Variants in TEX9 observed in about 807,000 individuals in gnomAD.
TEX9 encodes testis-expressed protein 9.
Under a neutral mutation model 59.6 loss-of-function variants are expected in TEX9, and 74 were observed. The ratio of observed to expected loss-of-function variants is 1.24; its 90% CI spans 1.03 to 1.51. The LOEUF (loss-of-function observed/expected upper bound fraction) is 1.51. Among genes scored for constraint, TEX9 ranks in the 40% most tolerant of loss-of-function variants. The probability of loss-of-function intolerance (pLI) is 0.00; values close to 1 mark genes in which losing one functional copy is unlikely to be tolerated. For missense variants in TEX9, 522 were observed against 447.8 expected, an observed-to-expected ratio of 1.17 and a Z score of -1.49; for synonymous variants, 186 against 152.2, an observed-to-expected ratio of 1.22 and a Z score of -1.64.
chr15:56,250,589 T>C (rs1403968601), intron 1 of TEX9, among the ~76,000 whole-genome samples: 4 of 152,226 alleles, frequency 2.6e-5, no homozygotes, highest in Non-Finnish European at 4.4e-5. Context: ...AGCGAGGTTC[T>C]ACGAGAGAAC....
At chr15:56,374,010 A>G (rs1286556155) in intron 3 of TEX9, 1 of 152,020 alleles carries the variant, frequency 6.6e-6, no homozygotes, top group Non-Finnish European at 1.5e-5. Context: ...CAAGTAATAT[A>G]TTTTGATAAT....
intron 5 of TEX9, 100 bp from the exon 6 acceptor site, chr15:56,389,215 TAGC>T (rs2048097136): frequency 2.4e-6 from 2 of 833,186 alleles, no homozygotes; most frequent in African/African-American, 1.7e-5. Flanking sequence ...AAATAGCAAA[TAGC>T]AGTTTTTCTG....
At chr15:56,405,310 G>GAA (rs1221876149) in intron 9 of TEX9, among the ~76,000 whole-genome samples, 16 of 95,980 alleles carry the variant, frequency 1.7e-4, no homozygotes, top group African/African-American at 4.5e-4. Flanking sequence ...CCGTCTCAAA[G>GAA]AAAAAAAAAA....
At chr15:56,394,919 A>C in intron 9 of TEX9, 85 bp downstream of exon 9, 10 of 1,295,534 alleles carry the variant, frequency 7.7e-6, no homozygotes, top group Non-Finnish European at 1.1e-5. Flanking sequence ...TGCCATTTTG[A>C]CAGTTCAGTT....
At chr15:56,373,991 A>G (rs2047310279) in intron 3 of TEX9, among the ~76,000 whole-genome samples, 1 of 152,110 alleles carries the variant, frequency 6.6e-6, no homozygotes, top group South Asian at 2.1e-4. Flanking sequence ...TGTATCATAT[A>G]TAACATTTCA....
intron 1 of TEX9, among the ~76,000 whole-genome samples, chr15:56,300,078 G>C (rs1442277827): frequency 1.3e-5 from 2 of 152,114 alleles, no homozygotes; most frequent in Admixed American, 6.5e-5. Context: ...GGGGTCCCCA[G>C]TTCCAGTCCT....
At chr15:56,251,218 G>C (rs754063367) in intron 1 of TEX9, among the ~76,000 whole-genome samples, 2 of 152,064 alleles carry the variant, frequency 1.3e-5, no homozygotes, top group East Asian at 3.8e-4. Context: ...GTTATATTGT[G>C]GCTGATGTTA....
At chr15:56,254,897 A>G (rs1479073702) in intron 1 of TEX9, among the ~76,000 whole-genome samples, 1 of 151,860 alleles carries the variant, frequency 6.6e-6, no homozygotes, top group Non-Finnish European at 1.5e-5. Context: ...ATGATTTTTG[A>G]AATAAACTCA....
intron 1 of TEX9, among the ~76,000 whole-genome samples, chr15:56,332,846 T>C (rs1261448960): frequency 6.6e-6 from 1 of 152,044 alleles, no homozygotes; most frequent in Non-Finnish European, 1.5e-5. Flanking sequence ...ACATTACAAC[T>C]GATAAAGCAG....
At chr15:56,265,383 G>A (rs759508505) in intron 1 of TEX9, among the ~76,000 whole-genome samples, 3 of 151,702 alleles carry the variant, frequency 2.0e-5, no homozygotes, top group Non-Finnish European at 4.4e-5. Context: ...CTCTTGCCCA[G>A]GCTGGTCTCG....
upstream of TEX9, chr15:56,365,378 A>G: frequency 1.3e-6 from 2 of 1,552,054 alleles, no homozygotes. Context: ...CCCGGGCGGG[A>G]GGCAACCGGG....
At chr15:56,428,543 T>G (rs1447368347) in intron 12 of TEX9, 3 of 800,252 alleles carry the variant, frequency 3.7e-6, no homozygotes, top group African/African-American at 3.5e-5. Context: ...AAGTAATATA[T>G]TTGATTATGA....
intron 12 of TEX9, among the ~76,000 whole-genome samples, chr15:56,436,243 T>C (rs1273544133): frequency 6.6e-6 from 1 of 151,952 alleles, no homozygotes; most frequent in Non-Finnish European, 1.5e-5. Flanking sequence ...GAACAGAAAT[T>C]ATAACAAACT....
At chr15:56,261,483 C>A (rs574196660) in intron 1 of TEX9, among the ~76,000 whole-genome samples, 12 of 151,744 alleles carry the variant, frequency 7.9e-5, no homozygotes, top group Non-Finnish European at 1.2e-4. Flanking sequence ...TTTGAGAGGT[C>A]AAGGCAGGTG....
intron 12 of TEX9, among the ~76,000 whole-genome samples, chr15:56,440,081 C>A (rs1275905265): frequency 6.6e-6 from 1 of 151,942 alleles, no homozygotes; most frequent in Non-Finnish European, 1.5e-5. Flanking sequence ...AACAAACAAC[C>A]CAATTAGAGA....
chr15:56,451,528 G>A, the TEX9 span, among the ~76,000 whole-genome samples: 1 of 152,168 alleles, frequency 6.6e-6, no homozygotes, highest in Non-Finnish European at 1.5e-5. Context: ...GGAGAGACAG[G>A]AGCTGGGAGC....
At chr15:56,345,910 G>A (rs2046461547) in intron 1 of TEX9, among the ~76,000 whole-genome samples, 1 of 152,118 alleles carries the variant, frequency 6.6e-6, no homozygotes, top group Admixed American at 6.6e-5. Context: ...TGGATTCTGG[G>A]CCCCATCCTT....
At chr15:56,385,648 AATTAAATAGGGAAGAAACCCACTAGT>A (rs1461143147) in intron 4 of TEX9, among the ~76,000 whole-genome samples, 3 of 151,886 alleles carry the variant, frequency 2.0e-5, no homozygotes, top group Non-Finnish European at 4.4e-5. Flanking sequence ...AACTGGCTGA[AATTAAATAGGGAAGAAACCCACTAGT>A]TTGGGGGAAA....
At chr15:56,381,273 T>G (rs575993885) in intron 3 of TEX9, among the ~76,000 whole-genome samples, 4 of 152,328 alleles carry the variant, frequency 2.6e-5, no homozygotes, top group African/African-American at 9.6e-5. Flanking sequence ...ATCTGTTCGT[T>G]AAATTTATCT....
Sources: gnomAD v4.1 joint callset for allele counts (sites outside exome capture counted in the v4.1 genomes callset) on GRCh38, gnomAD v4.1.1 for gene constraint, MANE v1.5 for transcripts, NCBI Gene and HGNC (gene_info 2026-07-23, HGNC 2026-07-21) for gene names.